SEMA5B: variants seen among roughly 807,000 people sequenced by gnomAD.
SEMA5B encodes the protein semaphorin-5B.
A neutral mutation model predicts 135.0 loss-of-function variants in SEMA5B; 66 were observed. That is an observed-to-expected ratio of 0.49 (90% CI 0.40 to 0.60). The LOEUF (loss-of-function observed/expected upper bound fraction) is 0.60. Among genes scored for constraint, SEMA5B ranks in the 20% least tolerant of loss-of-function variants. SEMA5B has a pLI of 0.00. For missense variants in SEMA5B, 1,501 were observed against 1,566.3 expected, an observed-to-expected ratio of 0.96 and a Z score of 0.70; for synonymous variants, 690 against 639.5, an observed-to-expected ratio of 1.08 and a Z score of -1.19.
chr3:122,982,121 T>C (rs1357086152), intron 1 of SEMA5B, among the ~76,000 whole-genome samples: 1 of 152,166 alleles, frequency 6.6e-6, no homozygotes, highest in East Asian at 1.9e-4. Context: ...AGGACAAGGG[T>C]GGAGGGTCGA....
At chr3:123,000,304 C>T (rs1168294301) in intron 1 of SEMA5B, among the ~76,000 whole-genome samples, 2 of 152,124 alleles carry the variant, frequency 1.3e-5, no homozygotes, top group Non-Finnish European at 2.9e-5. Flanking sequence ...AAGGAATGGG[C>T]CATGGGGAGC....
chr3:123,026,473 C>T (rs1287316763), intron 1 of SEMA5B, among the ~76,000 whole-genome samples: 4 of 152,054 alleles, frequency 2.6e-5, no homozygotes, highest in African/African-American at 9.7e-5. Flanking sequence ...GAGGAGGGGG[C>T]CAGAACGGCG....
At position 122,922,224 on chromosome 3, in the gene SEMA5B, G is replaced by A; in HGVS notation, c.1480+16C>T. Reference sequence around the variant, plus strand: ...CACCCCCGACCTGCAGTCCAGGTTGGACCGGGCCGGCTCACCGGTGCCAAT... The same window carrying A: ...CACCCCCGACCTGCAGTCCAGGTTGAACCGGGCCGGCTCACCGGTGCCAAT... On this transcript the variant is annotated intron_variant, in intron 11 of 22. Transcript: ENST00000357599. The A allele has an allele frequency of 1.2e-6, 2 of 1,603,088 alleles. No homozygotes were observed. The highest frequency in any genetic ancestry group is 2.2e-5 in the South Asian group (2 of 90,246).
chr3:122,972,712 A>G (rs1399238237), intron 1 of SEMA5B, among the ~76,000 whole-genome samples: 3 of 152,210 alleles, frequency 2.0e-5, no homozygotes, highest in African/African-American at 7.2e-5. Context: ...GTCAGGAATC[A>G]TGCAAATCCC....
chr3:123,006,155 A>T (rs764337663), intron 1 of SEMA5B, among the ~76,000 whole-genome samples: 1 of 152,198 alleles, frequency 6.6e-6, no homozygotes, highest in Non-Finnish European at 1.5e-5. Context: ...TGCAGCTGGG[A>T]AAAGCATTTC....
intron 1 of SEMA5B, among the ~76,000 whole-genome samples, chr3:123,018,063 G>A (rs531030727): frequency 3.9e-5 from 6 of 152,264 alleles, no homozygotes; most frequent in South Asian, 2.1e-4. Context: ...CAGGGGCTTC[G>A]CTTTGAGAAT....
intron 12 of SEMA5B, among the ~76,000 whole-genome samples, chr3:122,916,198 G>C (rs1249907290): frequency 1.3e-5 from 2 of 152,344 alleles, no homozygotes; most frequent in East Asian, 3.9e-4. Flanking sequence ...ACGTTTAAAA[G>C]AGACGGCACT....
intron 1 of SEMA5B, among the ~76,000 whole-genome samples, chr3:123,002,243 G>A (rs1942196291): frequency 6.6e-6 from 1 of 152,162 alleles, no homozygotes; most frequent in Admixed American, 6.5e-5. Flanking sequence ...ACGGATGGGG[G>A]ATGGAGGTGG....
rs115300864 is a variant in SEMA5B, at chr3:122,916,708, G to A, written c.1689-818C>T. ...ATGAGCCCATCCCTCAAAACACAGC[G>A]CAGGATCGGCAGACACCTGGGTACT... On this transcript the variant is annotated intron_variant, in intron 12 of 22. Transcript: ENST00000357599. 4.0e-3 allele frequency among the ~76,000 whole-genome samples: 602 copies of A among 152,216 alleles called. 4 individuals are homozygous for A. Among genetic ancestry groups the A allele is most frequent in the African/African-American group, 0.014 (580 of 41,526 alleles).
At chr3:123,021,970 T>A (rs988849074) in intron 1 of SEMA5B, among the ~76,000 whole-genome samples, 1 of 152,104 alleles carries the variant, frequency 6.6e-6, no homozygotes, top group Non-Finnish European at 1.5e-5. Flanking sequence ...GGGGGTTGGA[T>A]GGTAACTGGA....
chr3:122,911,075 A>C (rs1375714645), intron 21 of SEMA5B, 30 bp from the exon 22 acceptor site: 3 of 1,565,664 alleles, frequency 1.9e-6, no homozygotes, highest in South Asian at 2.3e-5. Flanking sequence ...TAGTAAGATG[A>C]GGGCCACTGT....
At chr3:122,963,613 G>A (rs969193728) in intron 1 of SEMA5B, among the ~76,000 whole-genome samples, 4 of 152,348 alleles carry the variant, frequency 2.6e-5, no homozygotes, top group East Asian at 1.9e-4. Flanking sequence ...TTAAAAGGCT[G>A]TGATATAAGT....
chr3:122,933,619 T>A (rs1164315689), intron 5 of SEMA5B, among the ~76,000 whole-genome samples: 3 of 152,162 alleles, frequency 2.0e-5, no homozygotes, highest in Admixed American at 6.5e-5. Flanking sequence ...CGTTAGTTCA[T>A]CCTTAATTTC....
intron 9 of SEMA5B, among the ~76,000 whole-genome samples, chr3:122,925,439 C>T (rs1938574586): frequency 6.6e-6 from 1 of 152,006 alleles, no homozygotes; most frequent in African/African-American, 2.4e-5. Flanking sequence ...GAGGCCAAGG[C>T]AGGCAGATCA....
chr3:123,004,865 GC>G (rs1942267508), intron 1 of SEMA5B, among the ~76,000 whole-genome samples: 1 of 152,120 alleles, frequency 6.6e-6, no homozygotes, highest in Non-Finnish European at 1.5e-5. Context: ...TCATGGGTGG[GC>G]CCATACTCAG....
At chr3:122,916,623 G>A (rs1560288364) in intron 12 of SEMA5B, among the ~76,000 whole-genome samples, 1 of 152,104 alleles carries the variant, frequency 6.6e-6, no homozygotes, top group Non-Finnish European at 1.5e-5. Flanking sequence ...TTCTGACCAC[G>A]CTTTTCCCCT....
At chr3:123,022,840 C>T (rs1942717361) in intron 1 of SEMA5B, among the ~76,000 whole-genome samples, 1 of 152,210 alleles carries the variant, frequency 6.6e-6, no homozygotes, top group Non-Finnish European at 1.5e-5. Flanking sequence ...ACATTCAGCA[C>T]CCTTCTGTCC....
At chr3:122,955,263 G>T (rs959874744) in intron 2 of SEMA5B, among the ~76,000 whole-genome samples, 2 of 152,110 alleles carry the variant, frequency 1.3e-5, no homozygotes, top group South Asian at 4.1e-4. Flanking sequence ...TGTGTCTCTC[G>T]TTTCCTTCTC....
intron 5 of SEMA5B, among the ~76,000 whole-genome samples, chr3:122,929,623 AC>A (rs1938850376): frequency 1.3e-5 from 2 of 151,220 alleles, no homozygotes; most frequent in African/African-American, 4.9e-5. Context: ...AGGGACTGGA[AC>A]CCACATTTCT....
Sources: allele counts gnomAD v4.1 joint callset (sites outside exome capture counted in the v4.1 genomes callset), GRCh38; gene constraint gnomAD v4.1.1; transcripts MANE v1.5; gene names NCBI Gene and HGNC (gene_info 2026-07-23, HGNC 2026-07-21).